The following C9 variants were observed in gnomAD, a reference collection of about 807,000 sequenced individuals.
C9 encodes complement C9.
In C9, 63 loss-of-function variants were observed where a neutral mutation model predicts 65.4. The ratio of observed to expected loss-of-function variants is 0.96; its 90% CI spans 0.79 to 1.19. C9 has a LOEUF of 1.19. Among genes scored for constraint, C9 ranks in the 50% most tolerant of loss-of-function variants. The pLI is 0.00. For synonymous variants in C9, 229 were observed against 227.9 expected, an observed-to-expected ratio of 1.00 and a Z score of -0.04; for missense variants, 744 against 670.1, an observed-to-expected ratio of 1.11 and a Z score of -1.22.
At chr5:39,347,999 T>C (rs78777574) in intron 1 of C9, among the ~76,000 whole-genome samples, 133,983 of 140,726 alleles carry the variant, frequency 0.95, 63,938 homozygotes, top group Non-Finnish European at 0.98. Context: ...CCCTTCCTTA[T>C]ATCTTATACA....
intron 4 of C9, among the ~76,000 whole-genome samples, chr5:39,332,846 C>A (rs1174539354): frequency 6.6e-6 from 1 of 152,186 alleles, no homozygotes; most frequent in Non-Finnish European, 1.5e-5. Context: ...AAAGGGTTTC[C>A]TACTGGTAGT....
intron 8 of C9, 30 bp downstream of exon 8, chr5:39,308,200 A>C (rs1753414347): frequency 6.2e-7 from 1 of 1,606,060 alleles, no homozygotes; most frequent in Non-Finnish European, 8.5e-7. Context: ...CTCAGGCTTT[A>C]TAAAATCTAA....
chr5:39,361,856 T>C (rs1268353760), intron 1 of C9, among the ~76,000 whole-genome samples: 1 of 152,130 alleles, frequency 6.6e-6, no homozygotes, highest in Admixed American at 6.5e-5. Flanking sequence ...TCTCCAGTAA[T>C]AATAGGTCAC....
intron 1 of C9, among the ~76,000 whole-genome samples, chr5:39,343,295 A>G (rs1019460286): frequency 4.1e-4 from 63 of 152,302 alleles, no homozygotes; most frequent in African/African-American, 1.5e-3. Context: ...AAGGGGTGAC[A>G]GACAGCACCT....
chr5:39,299,329 G>A (rs1470423401), intron 9 of C9, among the ~76,000 whole-genome samples: 2 of 151,936 alleles, frequency 1.3e-5, no homozygotes, highest in African/African-American at 4.8e-5. Context: ...CTCTCCTAGA[G>A]AAAAGAAAAA....
At chr5:39,293,341 C>T (rs1048087549) in intron 9 of C9, among the ~76,000 whole-genome samples, 4 of 151,756 alleles carry the variant, frequency 2.6e-5, no homozygotes, top group African/African-American at 9.7e-5. Flanking sequence ...TAAAGACATA[C>T]ATAGATGGGA....
At chr5:39,338,349 G>A (rs1754008328) in intron 4 of C9, among the ~76,000 whole-genome samples, 2 of 152,046 alleles carry the variant, frequency 1.3e-5, no homozygotes, top group African/African-American at 4.8e-5. Context: ...TGGTATGGTA[G>A]AAAAATATAG....
intron 7 of C9, among the ~76,000 whole-genome samples, chr5:39,310,287 C>G (rs757610834): frequency 2.0e-4 from 31 of 152,094 alleles, no homozygotes; most frequent in Non-Finnish European, 4.6e-4. Context: ...TTTTTAGCAA[C>G]GCTTTCCTCC....
chr5:39,334,727 C>T (rs1037261284), intron 4 of C9, among the ~76,000 whole-genome samples: 6 of 151,498 alleles, frequency 4.0e-5, no homozygotes, highest in South Asian at 2.1e-4. Context: ...CCAGCCACCC[C>T]GTCCGGGAGG....
At chr5:39,303,184 T>C (rs549246827) in intron 9 of C9, among the ~76,000 whole-genome samples, 1 of 152,318 alleles carries the variant, frequency 6.6e-6, no homozygotes, top group East Asian at 1.9e-4. Context: ...GAAAACAAAG[T>C]GCAGCTATTC....
intron 5 of C9, among the ~76,000 whole-genome samples, chr5:39,329,350 A>T (rs1172450303): frequency 6.6e-6 from 1 of 152,242 alleles, no homozygotes. Context: ...GCTATATGCC[A>T]GTGACTTTCT....
Position 39,311,223 on chromosome 5 carries a change from T to A in C9, c.1025A>T (p.Tyr342Phe). 6.2e-7 allele frequency: 1 copy of A among 1,613,576 alleles called. No individual in the cohort carries two copies. Among genetic ancestry groups the A allele is most frequent in the Non-Finnish European group, 8.5e-7 (1 of 1,179,496 alleles). ...CCCAGAGCTACTGTAGTGAGTTCCA[T>A]AGGTTTCCAAAAAGGCAAAATATTC... ...KGEYFAFLET[Y>F]GTHYSSSGSL... Residue 342 changes from tyrosine to phenylalanine, a missense_variant, in exon 7 of 11, where the codon TAT becomes TTT. Physicochemically the swap from Tyr to Phe is conservative, Grantham distance 22. Coordinates refer to ENST00000263408, the MANE Select transcript of C9 (RefSeq NM_001737.5).
intron 4 of C9, among the ~76,000 whole-genome samples, chr5:39,337,764 A>C (rs1486443329): frequency 6.6e-6 from 1 of 152,260 alleles, no homozygotes; most frequent in Non-Finnish European, 1.5e-5. Context: ...TCAGATGCCT[A>C]CAAATAAGAG....
At chr5:39,299,641 A>T (rs1753248013) in intron 9 of C9, among the ~76,000 whole-genome samples, 1 of 152,146 alleles carries the variant, frequency 6.6e-6, no homozygotes. Context: ...CAGTAAATAG[A>T]TCAGTGGTTA....
intron 6 of C9, among the ~76,000 whole-genome samples, chr5:39,314,128 T>C (rs1267112072): frequency 1.3e-5 from 2 of 152,148 alleles, no homozygotes; most frequent in Non-Finnish European, 2.9e-5. Context: ...ATTTAAAATA[T>C]AATAGAGAAT....
At chr5:39,351,945 G>T (rs1167598709) in intron 1 of C9, among the ~76,000 whole-genome samples, 1 of 152,078 alleles carries the variant, frequency 6.6e-6, no homozygotes, top group Non-Finnish European at 1.5e-5. Flanking sequence ...GTATTAGTCT[G>T]TTCTCACATG....
chr5:39,328,662 A>C (rs965750762), intron 5 of C9, among the ~76,000 whole-genome samples: 6 of 152,188 alleles, frequency 3.9e-5, no homozygotes, highest in Non-Finnish European at 7.4e-5. Flanking sequence ...AAGATATACC[A>C]GGAGAAAAAA....
rs696763 is a variant in C9, at chr5:39,341,243, C to G, written c.379G>C (p.Asp127His). The change falls in exon 4 of 11, where the codon GAC becomes CAC. Residue 127 changes from aspartate (D) to histidine (H), a missense_variant. Coordinates refer to ENST00000263408, the MANE Select transcript of C9 (RefSeq NM_001737.5). ...TCACAATCATCCTCATCTGAAAAGT[C>G]TCCGCAGTCATTGTCACCATTACAC... ...LRCNGDNDCG[D>H]FSDEDDCESE... 9 of 1,614,052 alleles carry G rather than the reference C, an allele frequency of 5.6e-6. No individual in the cohort carries two copies. The highest frequency in any genetic ancestry group is 7.6e-6 in the Non-Finnish European group (9 of 1,180,030).
At chr5:39,333,509 T>C (rs1167785044) in intron 4 of C9, among the ~76,000 whole-genome samples, 1 of 151,466 alleles carries the variant, frequency 6.6e-6, no homozygotes, top group Non-Finnish European at 1.5e-5. Flanking sequence ...CAGCTTGAGG[T>C]GAAGCTCCCA....
Sources: allele counts gnomAD v4.1 joint callset (sites outside exome capture counted in the v4.1 genomes callset), GRCh38; gene constraint gnomAD v4.1.1; transcripts MANE v1.5; gene names NCBI Gene and HGNC (gene_info 2026-07-23, HGNC 2026-07-21).